Variants in STARD13 observed in about 807,000 individuals in gnomAD.
The protein encoded by STARD13 is stAR-related lipid transfer protein 13.
A neutral mutation model predicts 106.4 loss-of-function variants in STARD13; 62 were observed. The observed-to-expected ratio is 0.58, with a 90% CI of 0.48 to 0.72. The LOEUF (loss-of-function observed/expected upper bound fraction) is 0.72, where lower values mean the gene tolerates loss of function less well. Ranked by LOEUF, STARD13 falls within the 30% of genes least tolerant of loss-of-function variation. The probability of loss-of-function intolerance (pLI) is 0.00; values close to 1 mark genes in which losing one functional copy is unlikely to be tolerated. For missense variants in STARD13, 1,387 were observed against 1,424.0 expected, an observed-to-expected ratio of 0.97 and a Z score of 0.42; for synonymous variants, 565 against 553.0, an observed-to-expected ratio of 1.02 and a Z score of -0.31.
the STARD13 span, among the ~76,000 whole-genome samples, chr13:33,621,741 A>T: frequency 2.0e-5 from 3 of 151,852 alleles, no homozygotes. Context: ...AAAAGAATTG[A>T]ATTTATAATT....
At chr13:33,566,898 C>G in the STARD13 span, among the ~76,000 whole-genome samples, 1 of 148,076 alleles carries the variant, frequency 6.8e-6, no homozygotes, top group Non-Finnish European at 1.5e-5. Context: ...TAGGTTCTAG[C>G]ATGCATACCA....
At chr13:33,362,475 CA>C in the STARD13 span, among the ~76,000 whole-genome samples, 2 of 152,180 alleles carry the variant, frequency 1.3e-5, no homozygotes, top group Non-Finnish European at 2.9e-5. Context: ...ACGACAAGTT[CA>C]AATCCATCTT....
the STARD13 span, among the ~76,000 whole-genome samples, chr13:33,463,234 T>C: frequency 2.0e-5 from 3 of 152,334 alleles, no homozygotes; most frequent in East Asian, 3.9e-4. Context: ...ACAACAGGGA[T>C]ACTGGTCTTT....
intron 1 of STARD13, among the ~76,000 whole-genome samples, chr13:33,206,366 AACACACACAC>A (rs59306930): frequency 6.7e-5 from 10 of 149,574 alleles, no homozygotes; most frequent in Admixed American, 1.3e-4. Context: ...CCATGACTGA[AACACACACAC>A]ACACACACAC....
chr13:33,181,819 T>C (rs1885263158), intron 1 of STARD13, among the ~76,000 whole-genome samples: 1 of 152,220 alleles, frequency 6.6e-6, no homozygotes, highest in East Asian at 1.9e-4. Flanking sequence ...CTGGCTGCAA[T>C]CTTTCCCTTT....
downstream of STARD13, among the ~76,000 whole-genome samples, chr13:33,343,965 T>C (rs1465888680): frequency 2.6e-5 from 4 of 152,164 alleles, no homozygotes; most frequent in East Asian, 7.7e-4. Context: ...GTCCCTGTGA[T>C]AGGACAAGTT....
At chr13:33,217,480 G>A (rs1888110369) in intron 1 of STARD13, among the ~76,000 whole-genome samples, 1 of 152,178 alleles carries the variant, frequency 6.6e-6, no homozygotes, top group African/African-American at 2.4e-5. Flanking sequence ...TATTTCATGG[G>A]CAGGAAGCCA....
At chr13:33,358,925 C>G in the STARD13 span, among the ~76,000 whole-genome samples, 24 of 152,252 alleles carry the variant, frequency 1.6e-4, no homozygotes, top group Non-Finnish European at 2.6e-4. Context: ...CTTGGAGAAC[C>G]TGTGTGTGGA....
Position 33,110,889 on chromosome 13 carries a change from C to T in STARD13, c.2626G>A (p.Ala876Thr). ...TCCACATACGAGTTACGAGACTGGGCCACCAACTCGTGTGGAACCTAGACC... is the reference window on the plus strand; with the variant it reads ...TCCACATACGAGTTACGAGACTGGGTCACCAACTCGTGTGGAACCTAGACC... ...RLFEVPHELV[A>T]QSRNSYVEAE... is the part of the protein sequence containing the mutation. Residue 876 changes from alanine to threonine, a missense_variant, in exon 11 of 14, where the codon GCC becomes ACC. Coordinates refer to ENST00000336934, the MANE Select transcript of STARD13 (RefSeq NM_178006.4). The T allele has an allele frequency of 6.2e-7, 1 of 1,613,166 alleles. No homozygotes were observed. The highest frequency in any genetic ancestry group is 8.5e-7 in the Non-Finnish European group (1 of 1,179,998).
chr13:33,182,759 C>A (rs1885367683), intron 1 of STARD13, among the ~76,000 whole-genome samples: 1 of 152,246 alleles, frequency 6.6e-6, no homozygotes, highest in South Asian at 2.1e-4. Flanking sequence ...GCAACAGAAC[C>A]CAATAGCTCT....
At chr13:33,161,879 A>G (rs1429242438) in intron 3 of STARD13, among the ~76,000 whole-genome samples, 1 of 152,160 alleles carries the variant, frequency 6.6e-6, no homozygotes, top group Non-Finnish European at 1.5e-5. Context: ...AGAGAAAATG[A>G]GGAAGATGCA....
the STARD13 span, among the ~76,000 whole-genome samples, chr13:33,501,036 A>G: frequency 6.7e-6 from 1 of 149,802 alleles, no homozygotes; most frequent in African/African-American, 2.4e-5. Context: ...AAAAATAACA[A>G]AAAACCCTGC....
the STARD13 span, among the ~76,000 whole-genome samples, chr13:33,389,009 GCTATGGTGCAAC>G: frequency 2.7e-5 from 4 of 148,010 alleles, no homozygotes; most frequent in African/African-American, 1.0e-4. Flanking sequence ...AGGCTGGAGT[GCTATGGTGCAAC>G]CTTGGCTCAC....
the STARD13 span, among the ~76,000 whole-genome samples, chr13:33,602,039 A>G: frequency 6.6e-6 from 1 of 151,952 alleles, no homozygotes; most frequent in Non-Finnish European, 1.5e-5. Flanking sequence ...TGGCTCAGCA[A>G]TACTGGGGAT....
the STARD13 span, among the ~76,000 whole-genome samples, chr13:33,664,900 A>G: frequency 2.0e-5 from 3 of 152,258 alleles, no homozygotes; most frequent in African/African-American, 7.2e-5. Flanking sequence ...TGTTGGGATT[A>G]CAGGCGTGAG....
At chr13:33,357,654 C>CA in the STARD13 span, among the ~76,000 whole-genome samples, 3 of 152,196 alleles carry the variant, frequency 2.0e-5, no homozygotes, top group Admixed American at 6.5e-5. Flanking sequence ...AACCAAGACT[C>CA]AAATGTTTAC....
intron 8 of STARD13, chr13:33,113,421 A>G (rs1253519813): frequency 2.2e-6 from 1 of 444,792 alleles, no homozygotes; most frequent in Non-Finnish European, 4.5e-6. Flanking sequence ...GCGTTTCTCC[A>G]CCCCTGCCAG....
chr13:33,609,464 T>C, the STARD13 span, among the ~76,000 whole-genome samples: 1 of 152,164 alleles, frequency 6.6e-6, no homozygotes, highest in Non-Finnish European at 1.5e-5. Context: ...TCATTGCTGG[T>C]GAGCTTGAAA....
chr13:33,493,433 C>A, the STARD13 span, among the ~76,000 whole-genome samples: 1 of 152,174 alleles, frequency 6.6e-6, no homozygotes, highest in East Asian at 1.9e-4. Flanking sequence ...CTAATGTAAA[C>A]AATGGCTTTA....
Sources: allele counts gnomAD v4.1 joint callset (sites outside exome capture counted in the v4.1 genomes callset), GRCh38; gene constraint gnomAD v4.1.1; transcripts MANE v1.5; gene names NCBI Gene and HGNC (gene_info 2026-07-23, HGNC 2026-07-21).